The following PIR variants were observed in gnomAD, a reference collection of about 807,000 sequenced individuals.
The protein encoded by PIR is pirin.
Under a neutral mutation model 24.2 loss-of-function variants are expected in PIR, and 22 were observed. That is an observed-to-expected ratio of 0.91 (90% CI 0.65 to 1.30). The LOEUF is 1.30. Ranked by LOEUF, PIR falls within the 50% of genes most tolerant of loss-of-function variation. The pLI is 0.00. For synonymous variants in PIR, 80 were observed against 79.6 expected, an observed-to-expected ratio of 1.00 and a Z score of -0.03; for missense variants, 220 against 220.3, an observed-to-expected ratio of 1.00 and a Z score of 0.01.
chrX:15,445,515 C>T (rs1926059667), intron 5 of PIR, among the ~76,000 whole-genome samples: 1 of 111,403 alleles, frequency 9.0e-6, no homozygotes, highest in Admixed American at 9.5e-5. Flanking sequence ...GCACATGTAC[C>T]CCACAACTTA....
chrX:15,398,669 GGTGTGTGTGTGT>G (rs371177726), intron 7 of PIR, among the ~76,000 whole-genome samples: 2 of 76,111 alleles, frequency 2.6e-5, no homozygotes, highest in African/African-American at 9.6e-5. Context: ...GAGGAGGGAG[GGTGTGTGTGTGT>G]GTGTGTGTGT....
chrX:15,490,990 C>A (rs1055443026), intron 2 of PIR, among the ~76,000 whole-genome samples, 172 bp downstream of exon 2: 2 of 111,894 alleles, frequency 1.8e-5, no homozygotes, highest in African/African-American at 3.3e-5. Context: ...ATTACAGAAA[C>A]CCCCTTTGGG....
chrX:15,413,333 T>C (rs1386840334), intron 6 of PIR, among the ~76,000 whole-genome samples: 1 of 111,679 alleles, frequency 9.0e-6, no homozygotes, highest in Non-Finnish European at 1.9e-5. Context: ...AATTAGTCTC[T>C]TCGACTGCGG....
intron 3 of PIR, among the ~76,000 whole-genome samples, chrX:15,477,736 A>G (rs1488191375): frequency 8.9e-6 from 1 of 111,855 alleles, no homozygotes; most frequent in Admixed American, 9.5e-5. Flanking sequence ...TTGTGAAACA[A>G]GAAAAAAAGA....
At position 15,410,350 on chromosome X, in the gene PIR, C is replaced by T. The variant is rs759827487; in HGVS notation, c.566-2800G>A. Among the ~76,000 whole-genome samples, 3 of 112,275 alleles carry T rather than the reference C, an allele frequency of 2.7e-5. No individual in the cohort carries two copies. The East Asian group carries it at 8.3e-4, about 31-fold the overall frequency. On this transcript the variant is annotated intron_variant, in intron 6 of 9. Coordinates refer to ENST00000380420, the MANE Select transcript of PIR (RefSeq NM_001018109.3). ...CATGTCAAAACATAGAGAAGTAACTCATCCTTGGGAAAAACTGCATGCATT... is the reference window on the plus strand; with the variant it reads ...CATGTCAAAACATAGAGAAGTAACTTATCCTTGGGAAAAACTGCATGCATT...
At chrX:15,459,609 C>A in intron 4 of PIR, 48 bp downstream of exon 4, 1 of 763,240 alleles carries the variant, frequency 1.3e-6, no homozygotes, top group Non-Finnish European at 2.0e-6. Context: ...CAAGCACGTG[C>A]ACCCAAAAAC....
At chrX:15,391,397 A>T (rs72614591) in intron 8 of PIR, among the ~76,000 whole-genome samples, 4 of 112,074 alleles carry the variant, frequency 3.6e-5, no homozygotes, top group African/African-American at 1.3e-4. Flanking sequence ...ATATTTTCTA[A>T]AGTCTGTGTT....
At chrX:15,396,199 G>A (rs1396593352) in intron 8 of PIR, among the ~76,000 whole-genome samples, 2 of 111,874 alleles carry the variant, frequency 1.8e-5, no homozygotes, top group East Asian at 2.8e-4. Flanking sequence ...GTCAAAAGTC[G>A]CAGTTTCATA....
At chrX:15,464,342 ATAAT>A in intron 3 of PIR, 2 of 636,153 alleles carry the variant, frequency 3.1e-6, no homozygotes, top group Non-Finnish European at 3.8e-6. Flanking sequence ...ATTTTCTGTA[ATAAT>A]TAATTGACTT....
At chrX:15,393,988 C>T (rs1924042956) in intron 8 of PIR, among the ~76,000 whole-genome samples, 1 of 110,402 alleles carries the variant, frequency 9.1e-6, no homozygotes, top group Non-Finnish European at 1.9e-5. Flanking sequence ...GCGCTTGAAG[C>T]ATCCCCAAAC....
At chrX:15,427,044 A>G (rs758645155) in intron 5 of PIR, among the ~76,000 whole-genome samples, 1 of 112,132 alleles carries the variant, frequency 8.9e-6, no homozygotes, top group South Asian at 3.8e-4. Context: ...AAGGAGAATG[A>G]ATGAACTCAA....
intron 2 of PIR, among the ~76,000 whole-genome samples, chrX:15,482,444 A>G (rs1922557444): frequency 9.7e-6 from 1 of 103,307 alleles, no homozygotes; most frequent in Non-Finnish European, 2.0e-5. Context: ...TCTAGTTTAC[A>G]AAGTTGTTGT....
chrX:15,491,106 C>T, intron 2 of PIR, 56 bp downstream of exon 2: 1 of 829,176 alleles, frequency 1.2e-6, no homozygotes, highest in Non-Finnish European at 1.8e-6. Flanking sequence ...TCACCATCAA[C>T]ATCCCACCAG....
chrX:15,390,112 A>T, intron 9 of PIR, 73 bp downstream of exon 9: 1 of 502,259 alleles, frequency 2.0e-6, no homozygotes, highest in Admixed American at 3.8e-5. Flanking sequence ...TCTTCCCAAC[A>T]ATAGTATACA....
intron 3 of PIR, among the ~76,000 whole-genome samples, chrX:15,477,252 CT>C (rs1232409999): frequency 1.8e-5 from 2 of 111,286 alleles, no homozygotes; most frequent in Non-Finnish European, 3.8e-5. Context: ...CCACTTGAGT[CT>C]CTGGCTTACC....
intron 6 of PIR, among the ~76,000 whole-genome samples, chrX:15,415,094 C>T (rs1343655156): frequency 9.0e-6 from 1 of 111,315 alleles, no homozygotes; most frequent in African/African-American, 3.3e-5. Context: ...CACTAAAGGT[C>T]CATGTTTTTG....
intron 8 of PIR, 26 bp from the exon 9 acceptor site, chrX:15,390,277 A>G: frequency 2.2e-6 from 2 of 908,660 alleles, no homozygotes; most frequent in South Asian, 2.6e-5. Context: ...AAAACATCAA[A>G]CAATAAGCAG....
chrX:15,479,848 T>G (rs1473343840), intron 2 of PIR, 27 bp from the exon 3 acceptor site: 11 of 869,614 alleles, frequency 1.3e-5, no homozygotes, highest in Non-Finnish European at 1.8e-5. Context: ...ATTTGCAGAT[T>G]AGATATGTCT....
At position 15,463,659 on chromosome X, in the gene PIR, A is replaced by G. The variant is rs769209775; in HGVS notation, c.190-3919T>C. 1.6e-3 allele frequency among the ~76,000 whole-genome samples: 179 copies of G among 112,370 alleles called. 1 individual carries two copies. Among genetic ancestry groups the G allele is most frequent in the African/African-American group, 5.3e-3 (165 of 30,951 alleles). ...TAGAGGTTCTAGGTTTGAAGTCTAA[A>G]ACCCCCATCTGGGAACTCGCTATGG... On this transcript the variant is annotated intron_variant, in intron 3 of 9. Transcript: ENST00000380420.
Sources: gnomAD v4.1 joint callset for allele counts (sites outside exome capture counted in the v4.1 genomes callset) on GRCh38, gnomAD v4.1.1 for gene constraint, MANE v1.5 for transcripts, NCBI Gene and HGNC (gene_info 2026-07-23, HGNC 2026-07-21) for gene names.